Variants in SSUH2 observed in about 807,000 individuals in gnomAD.
SSUH2 encodes the protein ssu-2 homolog, also known as protein SSUH2 homolog.
A neutral mutation model predicts 55.3 loss-of-function variants in SSUH2; 47 were observed. The ratio of observed to expected loss-of-function variants is 0.85; its 90% CI spans 0.67 to 1.08. The LOEUF (loss-of-function observed/expected upper bound fraction) is 1.08, where lower values mean the gene tolerates loss of function less well. Among genes scored for constraint, SSUH2 ranks in the 50% least tolerant of loss-of-function variants. SSUH2 has a pLI of 0.00. For missense variants in SSUH2, 535 were observed against 490.7 expected (o/e 1.09, Z -0.85); for synonymous variants, 212 against 191.5 (o/e 1.11, Z -0.89).
rs372405812 is a variant in SSUH2 at position 8,630,265 on chromosome 3, A to G, written c.526-539T>C. On this transcript the variant is annotated intron_variant, in intron 6 of 11. Coordinates refer to ENST00000544814, the MANE Select transcript of SSUH2 (RefSeq NM_001256748.3). ...AAATTGCACCCTTAAATCCAGTCCA[A>G]AAGTGTAAAGCAGGCAGTAACCGGA... 7.2e-5 allele frequency among the ~76,000 whole-genome samples: 11 copies of G among 152,316 alleles called. 2 individuals are homozygous for G. Among genetic ancestry groups the G allele is most frequent in the Admixed American group, 2.6e-4 (4 of 15,294 alleles).
intron 11 of SSUH2, among the ~76,000 whole-genome samples, chr3:8,622,380 G>A (rs1696630111): frequency 6.6e-6 from 1 of 152,142 alleles, no homozygotes; most frequent in Admixed American, 6.5e-5. Flanking sequence ...TCTAGTCCTG[G>A]ACCTGCCACC....
rs1400560853 is a variant in SSUH2, at chr3:8,631,971, G to A, written c.400+78C>T. ...ACCATCTTATTTGAGATGAGTGCCT[G>A]AGCCAAGTCCTGATATTTTCCACCA... is the stretch of plus-strand genomic sequence containing the variant. On this transcript the variant is annotated intron_variant, in intron 5 of 11. Transcript: ENST00000544814. 9 of 1,190,340 alleles carry A rather than the reference G, an allele frequency of 7.6e-6. No individual in the cohort carries two copies. The Admixed American group carries it at 1.4e-4, about 18-fold the overall frequency. The allele number at this position is 1,190,340 out of a possible 1,614,324, so 73.7% of individuals were successfully genotyped here. A position where few individuals can be genotyped will look rare whatever the true frequency, so the allele number is the denominator to read the frequency against.
upstream of SSUH2, among the ~76,000 whole-genome samples, chr3:8,648,391 C>G (rs925736755): frequency 2.0e-5 from 3 of 152,128 alleles, no homozygotes; most frequent in East Asian, 5.8e-4. Context: ...TGGCTTGGCC[C>G]GTGTAAGTCT....
chr3:8,673,644 C>G (rs1340324196), intron 3 of SSUH2, among the ~76,000 whole-genome samples: 1 of 152,174 alleles, frequency 6.6e-6, no homozygotes, highest in Admixed American at 6.5e-5. Context: ...AGATGAAAGG[C>G]AAAAGGCGGA....
intron 6 of SSUH2, among the ~76,000 whole-genome samples, chr3:8,662,765 T>A (rs1559513279): frequency 6.6e-6 from 1 of 152,174 alleles, no homozygotes; most frequent in African/African-American, 2.4e-5. Context: ...GCAGATGTCA[T>A]TTCCTACCTT....
At chr3:8,676,215 C>T (rs1461677404) in intron 3 of SSUH2, among the ~76,000 whole-genome samples, 7 of 151,672 alleles carry the variant, frequency 4.6e-5, no homozygotes, top group African/African-American at 7.3e-5. Context: ...TGTACACACT[C>T]GGTGTACAGA....
exon 6 of SSUH2, chr3:8,663,779 G>T (rs1475972312): frequency 4.4e-6 from 2 of 456,464 alleles, no homozygotes; most frequent in Non-Finnish European, 8.8e-6. Flanking sequence ...GTTTCCATAG[G>T]TACCACAGGG....
intron 5 of SSUH2, among the ~76,000 whole-genome samples, chr3:8,666,051 CCT>C (rs1211745650): frequency 6.6e-6 from 1 of 152,184 alleles, no homozygotes; most frequent in African/African-American, 2.4e-5. Flanking sequence ...TCCCAAAACA[CCT>C]CTGAGAGATC....
chr3:8,631,925 A>C, intron 5 of SSUH2, 124 bp downstream of exon 5: 1 of 738,914 alleles, frequency 1.4e-6, no homozygotes, highest in South Asian at 1.7e-5. Flanking sequence ...GGGGTAAGGA[A>C]GCCAAGGCTC....
chr3:8,626,513 C>T (rs552093393), intron 8 of SSUH2, among the ~76,000 whole-genome samples, 192 bp from the exon 9 acceptor site: 1 of 142,340 alleles, frequency 7.0e-6, no homozygotes, highest in South Asian at 2.4e-4. Flanking sequence ...CTTCCCCCAC[C>T]CAGCCCACAT....
chr3:8,633,837 G>A (rs1341118880), intron 3 of SSUH2, 42 bp from the exon 4 acceptor site: 32 of 1,613,134 alleles, frequency 2.0e-5, no homozygotes, highest in Non-Finnish European at 2.6e-5. Context: ...TCTGGGAAGG[G>A]CCTGTGGACT....
At chr3:8,665,207 GA>G (rs1038388495) in intron 5 of SSUH2, among the ~76,000 whole-genome samples, 1 of 150,668 alleles carries the variant, frequency 6.6e-6, no homozygotes, top group African/African-American at 2.4e-5. Flanking sequence ...AGAAAAGGAA[GA>G]AAAAAAAGGA....
At chr3:8,634,698 C>G (rs1440361150) in intron 3 of SSUH2, 1 of 714,946 alleles carries the variant, frequency 1.4e-6, no homozygotes, top group East Asian at 6.5e-5. Flanking sequence ...CTTCTGGCAG[C>G]AGCAGGGCCA....
At chr3:8,675,800 A>C (rs893998858) in intron 3 of SSUH2, among the ~76,000 whole-genome samples, 1 of 152,116 alleles carries the variant, frequency 6.6e-6, no homozygotes, top group Admixed American at 6.5e-5. Flanking sequence ...TCATCAGTTA[A>C]AGGAAAAACT....
intron 6 of SSUH2, among the ~76,000 whole-genome samples, chr3:8,661,335 A>G (rs924011891): frequency 2.6e-5 from 4 of 152,222 alleles, no homozygotes; most frequent in East Asian, 1.9e-4. Context: ...AACTGCTCTG[A>G]AAGTATTCAC....
In SSUH2 at chr3:8,633,764, C is replaced by A. The variant is rs1421374732; in HGVS notation, c.241G>T (p.Glu81Ter). 6.2e-7 allele frequency: 1 copy of A among 1,611,296 alleles called. No individual in the cohort carries two copies. Among genetic ancestry groups the A allele is most frequent in the African/African-American group, 1.3e-5 (1 of 74,888 alleles). Residue 81 changes from glutamate (E) to a stop codon, truncating the protein, a stop_gained, in exon 4 of 12, where the codon GAA becomes TAA. Transcript: ENST00000544814. LOFTEE classifies it high-confidence loss of function. ...GAGTCCACAAAGCTGAGGAGGGCTT[C>A]CCGGGCCACCTCCTCCGTCATCGCA... ...VPAMTEEVAR[E>*]ALLSFVDSKC...
At position 8,676,633 on chromosome 3, in the gene SSUH2, G is replaced by C. The variant is rs537445443; in HGVS notation, c.-753+573C>G. Among the ~76,000 whole-genome samples, 20 of 151,164 alleles carry C rather than the reference G, an allele frequency of 1.3e-4. 1 individual carries two copies. In the East Asian group the frequency reaches 2.5e-3, roughly 19 times the overall value. ...TACACATCGTGCTCTATTATGGGGA[G>C]TCATATCTGCCTATTATGGGGAGTA... On this transcript the variant is annotated intron_variant, in intron 3 of 18. Coordinates refer to the SSUH2 transcript ENST00000317371.
chr3:8,667,613 C>G (rs1490302364), intron 5 of SSUH2, among the ~76,000 whole-genome samples: 3 of 152,172 alleles, frequency 2.0e-5, no homozygotes, highest in Non-Finnish European at 4.4e-5. Context: ...CAAAAGCTCT[C>G]GAACTTTGTC....
At chr3:8,625,748 A>G (rs1697401414) in intron 9 of SSUH2, 101 bp from the exon 10 acceptor site, 1 of 754,688 alleles carries the variant, frequency 1.3e-6, no homozygotes, top group Non-Finnish European at 2.3e-6. Context: ...TTGAATTGCT[A>G]CTGGAGGGAC....
Sources: allele counts gnomAD v4.1 joint callset (sites outside exome capture counted in the v4.1 genomes callset), GRCh38; gene constraint gnomAD v4.1.1; transcripts MANE v1.5; gene names NCBI Gene and HGNC (gene_info 2026-07-23, HGNC 2026-07-21).